Variants in TDRD7 observed in about 807,000 individuals in gnomAD.
TDRD7 encodes the protein tudor domain containing 7, also known as tudor domain-containing protein 7.
A neutral mutation model predicts 109.8 loss-of-function variants in TDRD7; 47 were observed. That is an observed-to-expected ratio of 0.43 (90% CI 0.34 to 0.55). The LOEUF (loss-of-function observed/expected upper bound fraction) is 0.55, where lower values mean the gene tolerates loss of function less well. Among genes scored for constraint, TDRD7 ranks in the 20% least tolerant of loss-of-function variants. TDRD7 has a pLI of 0.03. For synonymous variants in TDRD7, 424 were observed against 457.3 expected (o/e 0.93, Z 0.93); for missense variants, 1,164 against 1,319.2 (o/e 0.88, Z 1.82).
intron 10 of TDRD7, among the ~76,000 whole-genome samples, chr9:97,473,256 C>T (rs549573534): frequency 1.3e-5 from 2 of 152,266 alleles, no homozygotes; most frequent in South Asian, 4.1e-4. Flanking sequence ...AATGTATGCA[C>T]AATGTCTATT....
Position 97,470,623 on chromosome 9 carries a change from G to A in TDRD7, c.1695G>A (p.Pro565=), listed in dbSNP as rs756083710. ...AAAGCAAAGCATACAAATTAAACCCGAAGTTTTGTTCACTCTCATTTCAAG... is the reference window on the plus strand; with the variant it reads ...AAAGCAAAGCATACAAATTAAACCCAAAGTTTTGTTCACTCTCATTTCAAG... ...VEKSKAYKLN[P]KFCSLSFQAT... The change falls in exon 9 of 17, where the codon CCG becomes CCA. Residue 565 remains proline, a synonymous_variant. Coordinates refer to ENST00000355295, the MANE Select transcript of TDRD7 (RefSeq NM_014290.3). 22 of 1,613,888 alleles carry A rather than the reference G, an allele frequency of 1.4e-5. No homozygotes were observed. The highest frequency in any genetic ancestry group is 1.8e-5 in the Non-Finnish European group (21 of 1,179,924).
At chr9:97,426,534 CG>C (rs34366063) in intron 1 of TDRD7, among the ~76,000 whole-genome samples, 32 of 152,270 alleles carry the variant, frequency 2.1e-4, no homozygotes, top group African/African-American at 7.7e-4. Context: ...ACTGCAGGTG[CG>C]AGCCACTGCA....
At position 97,464,971 on chromosome 9, in the gene TDRD7, C is replaced by T. The variant is rs761262187; in HGVS notation, c.1572C>T (p.Ala524=). ...VNVGQLLAVN[A]EEDAWLRAQV... ...TTGGGCAGTTGCTGGCCGTAAATGC[C>T]GAGGAGGACGCCTGGTTACGGGCAC... Residue 524 remains alanine, a synonymous_variant, in exon 8 of 17, where the codon GCC becomes GCT. Transcript: ENST00000355295. 8.1e-6 allele frequency: 13 copies of T among 1,613,928 alleles called. No individual in the cohort carries two copies. Among genetic ancestry groups the T allele is most frequent in the Middle Eastern group, 3.3e-4 (2 of 6,082 alleles).
chr9:97,420,492 C>A (rs886330024), intron 1 of TDRD7, among the ~76,000 whole-genome samples: 7 of 152,180 alleles, frequency 4.6e-5, no homozygotes, highest in Admixed American at 4.6e-4. Flanking sequence ...ATTTCTGTGT[C>A]TGTAGTTTCG....
intron 16 of TDRD7, among the ~76,000 whole-genome samples, 173 bp from the exon 17 acceptor site, chr9:97,495,490 C>G (rs374284319): frequency 1.3e-5 from 2 of 152,152 alleles, no homozygotes; most frequent in Non-Finnish European, 2.9e-5. Flanking sequence ...AGTAGAAAAA[C>G]TATAAGCTGG....
chr9:97,417,678 C>T (rs902526788), intron 1 of TDRD7, among the ~76,000 whole-genome samples: 24 of 152,298 alleles, frequency 1.6e-4, no homozygotes, highest in Non-Finnish European at 3.1e-4. Context: ...ATTAAACTTG[C>T]GGAACACAAG....
intron 1 of TDRD7, among the ~76,000 whole-genome samples, chr9:97,424,316 A>G (rs539494477): frequency 5.9e-4 from 90 of 152,150 alleles, no homozygotes; most frequent in Non-Finnish European, 1.2e-3. Context: ...TCGGCCTCCC[A>G]AAGTGCTGGG....
chr9:97,479,525 G>A (rs377396914), intron 13 of TDRD7, among the ~76,000 whole-genome samples: 92 of 152,230 alleles, frequency 6.0e-4, no homozygotes, highest in African/African-American at 2.0e-3. Context: ...AGTACCACCT[G>A]TATGCTACGG....
In TDRD7 at chr9:97,439,078, A is replaced by G. The variant is rs3214069; in HGVS notation, c.564-167A>G. On this transcript the variant is annotated intron_variant, in intron 4 of 16. Coordinates refer to ENST00000355295, the MANE Select transcript of TDRD7 (RefSeq NM_014290.3). ...TCTCTGAGTGAATATGAAACATGAA[A>G]GATGATGCCAGGTTTTATTTTTATT... Among the ~76,000 whole-genome samples the G allele has an allele frequency of 0.25, 38,683 of 152,078 alleles. 4,986 individuals are homozygous for G. Among genetic ancestry groups the G allele is most frequent in the Middle Eastern group, 0.3 (87 of 294 alleles).
chr9:97,472,536 T>A (rs752906821), intron 10 of TDRD7, 41 bp downstream of exon 10: 4 of 1,503,246 alleles, frequency 2.7e-6, no homozygotes, highest in Non-Finnish European at 3.7e-6. Flanking sequence ...ACACATTTTG[T>A]ATGAGAGAAA....
Position 97,451,536 on chromosome 9 carries a change from C to A in TDRD7, c.856-8642C>A, listed in dbSNP as rs146409126. Among the ~76,000 whole-genome samples the A allele has an allele frequency of 8.9e-3, 1,352 of 152,358 alleles. 21 individuals carry two copies. Among genetic ancestry groups the A allele is most frequent in the African/African-American group, 0.031 (1,289 of 41,574 alleles). On this transcript the variant is annotated intron_variant, in intron 6 of 16. Coordinates refer to ENST00000355295, the MANE Select transcript of TDRD7 (RefSeq NM_014290.3). ...CTATTAGTCTGAAGTGAGTTATCCT[C>A]CTGCCCCAGGCTCCCAAAGTGCTGG... is the stretch of plus-strand genomic sequence containing the variant.
intron 6 of TDRD7, among the ~76,000 whole-genome samples, chr9:97,451,386 C>T (rs1034124452): frequency 6.6e-6 from 1 of 152,154 alleles, no homozygotes; most frequent in Non-Finnish European, 1.5e-5. Context: ...ACATCCTGGG[C>T]TCAAGCAGTC....
chr9:97,414,100 G>A (rs1256005723), intron 1 of TDRD7, among the ~76,000 whole-genome samples: 1 of 152,180 alleles, frequency 6.6e-6, no homozygotes. Context: ...TTTCACAGAA[G>A]TTCCTTGGTG....
At chr9:97,473,370 T>C in intron 10 of TDRD7, 122 bp from the exon 11 acceptor site, 1 of 1,337,832 alleles carries the variant, frequency 7.5e-7, no homozygotes, top group Non-Finnish European at 1.1e-6. Context: ...TTACATATAC[T>C]CTAACTTAAA....
chr9:97,458,119 T>A (rs1204905266), intron 6 of TDRD7, among the ~76,000 whole-genome samples: 9 of 152,122 alleles, frequency 5.9e-5, no homozygotes, highest in Admixed American at 5.2e-4. Flanking sequence ...CCATTTTTTT[T>A]AGAAGGAAAA....
chr9:97,440,415 C>T (rs1297452952), intron 5 of TDRD7, among the ~76,000 whole-genome samples: 1 of 152,240 alleles, frequency 6.6e-6, no homozygotes, highest in Non-Finnish European at 1.5e-5. Context: ...CAGCTGCTGA[C>T]ACATTCTCAT....
chr9:97,438,850 A>T (rs547891241), intron 4 of TDRD7, among the ~76,000 whole-genome samples: 2 of 152,312 alleles, frequency 1.3e-5, no homozygotes, highest in African/African-American at 4.8e-5. Flanking sequence ...TAACTTCATA[A>T]TGCATTTCAA....
chr9:97,487,280 A>G lies in TDRD7; in HGVS notation c.3024A>G (p.Leu1008=), dbSNP rs763853055. 13 of 1,614,038 alleles carry G rather than the reference A, an allele frequency of 8.1e-6. No individual in the cohort carries two copies. In the Admixed American group the frequency reaches 1.7e-4, roughly 21 times the overall value. Residue 1008 remains leucine (L), a synonymous_variant, in exon 16 of 17, where the codon CTA becomes CTG. Coordinates refer to ENST00000355295, the MANE Select transcript of TDRD7 (RefSeq NM_014290.3). Reference sequence around the variant, plus strand: ...TCAACATAAGAAAAGTACAGCCCCTAGTGGACATGTTCCGAAAGCTGCCCT... The same window carrying G: ...TCAACATAAGAAAAGTACAGCCCCTGGTGGACATGTTCCGAAAGCTGCCCT... The part of the protein sequence containing the change: ...ELVNIRKVQP[L]VDMFRKLPFQ...
chr9:97,492,555 A>G (rs1272493879), intron 16 of TDRD7, among the ~76,000 whole-genome samples: 1 of 152,216 alleles, frequency 6.6e-6, no homozygotes. Flanking sequence ...TATCCTGTCT[A>G]TGTGACTGAA....
Sources: gnomAD v4.1 joint callset for allele counts (sites outside exome capture counted in the v4.1 genomes callset) on GRCh38, gnomAD v4.1.1 for gene constraint, MANE v1.5 for transcripts, NCBI Gene and HGNC (gene_info 2026-07-23, HGNC 2026-07-21) for gene names.